The following PIAS1 variants were observed in gnomAD, a reference collection of about 807,000 sequenced individuals.
PIAS1 encodes the protein E3 SUMO-protein ligase PIAS1.
PIAS1 carries 6 observed loss-of-function variants against 71.3 expected under a neutral mutation model. The observed-to-expected ratio is 0.08, with a 90% CI of 0.05 to 0.17. The LOEUF (loss-of-function observed/expected upper bound fraction) is 0.17, where lower values mean the gene tolerates loss of function less well. Among genes scored for constraint, PIAS1 ranks in the 10% least tolerant of loss-of-function variants. PIAS1 has a pLI of 1.00. For missense variants in PIAS1, 555 were observed against 793.6 expected, an observed-to-expected ratio of 0.70 and a Z score of 3.61; for synonymous variants, 303 against 292.9, an observed-to-expected ratio of 1.03 and a Z score of -0.35.
At chr15:68,064,169 C>G (rs1044182418) in intron 1 of PIAS1, among the ~76,000 whole-genome samples, 1 of 152,054 alleles carries the variant, frequency 6.6e-6, no homozygotes, top group East Asian at 1.9e-4. Flanking sequence ...GTTATACAGA[C>G]TAGGGTATTT....
intron 2 of PIAS1, among the ~76,000 whole-genome samples, chr15:68,132,427 A>G (rs958091597): frequency 2.0e-5 from 3 of 151,994 alleles, no homozygotes; most frequent in East Asian, 1.9e-4. Context: ...GTGAGCCGAG[A>G]TGGCACCACT....
chr15:68,179,843 G>T (rs1347238531), intron 11 of PIAS1, among the ~76,000 whole-genome samples: 1 of 151,846 alleles, frequency 6.6e-6, no homozygotes, highest in Non-Finnish European at 1.5e-5. Context: ...CTCCCAAAGT[G>T]CTGGGATTAC....
chr15:68,084,599 A>G (rs1355621768), intron 1 of PIAS1, among the ~76,000 whole-genome samples: 1 of 152,160 alleles, frequency 6.6e-6, no homozygotes, highest in African/African-American at 2.4e-5. Flanking sequence ...ATTTATTTGG[A>G]TAAGTTATCG....
chr15:68,105,805 T>TA (rs1041774912), intron 2 of PIAS1, among the ~76,000 whole-genome samples: 1 of 152,032 alleles, frequency 6.6e-6, no homozygotes, highest in Non-Finnish European at 1.5e-5. Flanking sequence ...ACGCCATCTC[T>TA]AAAAAAAATT....
chr15:68,155,816 TCTC>T (rs760652457), intron 7 of PIAS1, among the ~76,000 whole-genome samples: 22 of 152,304 alleles, frequency 1.4e-4, no homozygotes, highest in Admixed American at 5.2e-4. Flanking sequence ...CAAGTTTCTT[TCTC>T]CTCTTCCTTC....
intron 1 of PIAS1, among the ~76,000 whole-genome samples, chr15:68,071,540 T>A (rs905108707): frequency 6.6e-5 from 10 of 150,428 alleles, no homozygotes; most frequent in Admixed American, 1.3e-4. Flanking sequence ...AGGAGAAAAA[T>A]AATAAACGAT....
chr15:68,162,229 C>G (rs1327920055), intron 7 of PIAS1, among the ~76,000 whole-genome samples: 1 of 152,078 alleles, frequency 6.6e-6, no homozygotes, highest in Non-Finnish European at 1.5e-5. Context: ...TGTTGCCTCT[C>G]TTATTTCAAT....
Position 68,147,673 on chromosome 15 carries a change from A to G in PIAS1, c.828+973A>G, listed in dbSNP as rs571640923. Among the ~76,000 whole-genome samples, 15 of 152,022 alleles carry G rather than the reference A, an allele frequency of 9.9e-5. No individual in the cohort carries two copies. In the South Asian group the frequency reaches 3.1e-3, roughly 32 times the overall value. On this transcript the variant is annotated intron_variant, in intron 6 of 13. Coordinates refer to ENST00000249636, the MANE Select transcript of PIAS1 (RefSeq NM_016166.3). ...TCCCAAGCTATGGAATTATTTGTTT[A>G]TTTTCTTCTAGACTTCCAAGGTTTC...
intron 2 of PIAS1, among the ~76,000 whole-genome samples, chr15:68,129,409 A>G (rs995788314): frequency 3.9e-5 from 6 of 152,196 alleles, no homozygotes; most frequent in Admixed American, 3.3e-4. Flanking sequence ...AAAGCTATAT[A>G]TATACTTGAC....
At chr15:68,107,835 A>G (rs1221131503) in intron 2 of PIAS1, among the ~76,000 whole-genome samples, 10 of 152,078 alleles carry the variant, frequency 6.6e-5, no homozygotes, top group Non-Finnish European at 1.5e-4. Flanking sequence ...CTTTGTTCCT[A>G]TATATACCAC....
chr15:68,124,343 C>T (rs1409356826), intron 2 of PIAS1, among the ~76,000 whole-genome samples: 1 of 151,588 alleles, frequency 6.6e-6, no homozygotes. Flanking sequence ...TTCTTTGGCC[C>T]ATTTACCACA....
intron 1 of PIAS1, among the ~76,000 whole-genome samples, chr15:68,056,604 T>C (rs1046752288): frequency 3.3e-5 from 5 of 152,122 alleles, no homozygotes; most frequent in Non-Finnish European, 7.4e-5. Flanking sequence ...ATTGTGTGTG[T>C]CTGAGACTTT....
At chr15:68,149,324 T>G (rs1484899968) in intron 6 of PIAS1, among the ~76,000 whole-genome samples, 1 of 149,886 alleles carries the variant, frequency 6.7e-6, no homozygotes, top group Admixed American at 6.6e-5. Context: ...TCTCCTGCAT[T>G]ACTTTTTTTT....
chr15:68,081,464 A>T (rs540848267), intron 1 of PIAS1, among the ~76,000 whole-genome samples: 1 of 152,298 alleles, frequency 6.6e-6, no homozygotes, highest in East Asian at 1.9e-4. Context: ...ACAGCCCAGG[A>T]TTGTCTCTCA....
intron 1 of PIAS1, among the ~76,000 whole-genome samples, chr15:68,065,116 T>C (rs1295291475): frequency 1.3e-5 from 2 of 152,126 alleles, no homozygotes; most frequent in Non-Finnish European, 2.9e-5. Flanking sequence ...ATTGATAGAT[T>C]TAATCGACAT....
At chr15:68,123,382 T>A (rs73423768) in intron 2 of PIAS1, among the ~76,000 whole-genome samples, 3,285 of 152,236 alleles carry the variant, frequency 0.022, 108 homozygotes, top group African/African-American at 0.076. Context: ...CTACATACCC[T>A]CTTACACACA....
chr15:68,082,860 T>A (rs1310588865), intron 1 of PIAS1, among the ~76,000 whole-genome samples: 1 of 152,122 alleles, frequency 6.6e-6, no homozygotes, highest in Non-Finnish European at 1.5e-5. Context: ...TGGGGTATGT[T>A]AAAGGGGGAA....
intron 11 of PIAS1, 92 bp from the exon 12 acceptor site, chr15:68,181,120 C>T (rs1370934645): frequency 4.9e-6 from 5 of 1,026,492 alleles, no homozygotes; most frequent in Admixed American, 2.1e-5. Flanking sequence ...AGCACTAAAC[C>T]GAGGGTTCAT....
chr15:68,124,003 CAT>C (rs1465982559), intron 2 of PIAS1, among the ~76,000 whole-genome samples: 2 of 148,892 alleles, frequency 1.3e-5, no homozygotes, highest in Admixed American at 6.7e-5. Context: ...CACACGTATA[CAT>C]ATATGTACAC....
Sources: allele counts gnomAD v4.1 joint callset (sites outside exome capture counted in the v4.1 genomes callset), GRCh38; gene constraint gnomAD v4.1.1; transcripts MANE v1.5; gene names NCBI Gene and HGNC (gene_info 2026-07-23, HGNC 2026-07-21).